The following PAAF1 variants were observed in gnomAD, a reference collection of about 807,000 sequenced individuals.
PAAF1 encodes the protein proteasomal ATPase associated factor 1, also known as proteasomal ATPase-associated factor 1.
Under a neutral mutation model 52.8 loss-of-function variants are expected in PAAF1, and 46 were observed. The ratio of observed to expected loss-of-function variants is 0.87; its 90% confidence interval spans 0.69 to 1.11. PAAF1 has a LOEUF of 1.11. PAAF1 is among the 50% of genes most tolerant of loss of function. The pLI, the probability that PAAF1 is intolerant of heterozygous loss-of-function variation, is 0.00. For synonymous variants in PAAF1, 178 were observed against 172.8 expected (o/e 1.03, Z -0.24); for missense variants, 424 against 477.4 (o/e 0.89, Z 1.04).
At chr11:73,876,971 C>A, upstream of PAAF1, 1 of 1,488,628 alleles carries the variant, frequency 6.7e-7, no homozygotes. Flanking sequence ...TTCTCGGGGA[C>A]TCACTTCCGG....
intron 10 of PAAF1, among the ~76,000 whole-genome samples, chr11:73,923,247 GA>G (rs1394070943): frequency 1.3e-5 from 2 of 151,960 alleles, no homozygotes; most frequent in African/African-American, 4.8e-5. Flanking sequence ...GATAAATTTG[GA>G]AAACAGTTGT....
intron 4 of PAAF1, among the ~76,000 whole-genome samples, chr11:73,894,343 AAAAT>A (rs1949287059): frequency 1.3e-5 from 2 of 152,182 alleles, no homozygotes; most frequent in South Asian, 4.1e-4. Context: ...TCTCTACAAA[AAAAT>A]AAACAAAATA....
intron 4 of PAAF1, 37 bp downstream of exon 4, chr11:73,891,238 G>A: frequency 8.2e-7 from 1 of 1,213,558 alleles, no homozygotes; most frequent in South Asian, 1.3e-5. Context: ...AAATGTAATA[G>A]CATGTTAATT....
chr11:73,914,275 T>TA (rs1950005452), intron 7 of PAAF1, 138 bp from the exon 8 acceptor site: 1 of 667,200 alleles, frequency 1.5e-6, no homozygotes, highest in African/African-American at 1.8e-5. Flanking sequence ...CACAGTGAGA[T>TA]ACAGAACATA....
chr11:73,916,350 C>T (rs1950064005), intron 8 of PAAF1, among the ~76,000 whole-genome samples, 195 bp from the exon 9 acceptor site: 1 of 151,988 alleles, frequency 6.6e-6, no homozygotes, highest in Admixed American at 6.5e-5. Flanking sequence ...CTTAGTCAAC[C>T]CCAGGTTCCT....
At chr11:73,877,175 A>AT (rs777518213) in intron 1 of PAAF1, 107 bp downstream of exon 1, 24 of 1,177,412 alleles carry the variant, frequency 2.0e-5, no homozygotes, top group Non-Finnish European at 2.7e-5. Flanking sequence ...TACTTCGTCA[A>AT]TTGTCGAGGG....
At chr11:73,925,166 A>C (rs1216977832) in intron 11 of PAAF1, among the ~76,000 whole-genome samples, 1 of 151,220 alleles carries the variant, frequency 6.6e-6, no homozygotes, top group Non-Finnish European at 1.5e-5. Context: ...CAAAAAAAAA[A>C]AAAAAAAAAC....
At chr11:73,879,539 T>A (rs1948834476) in intron 2 of PAAF1, 1 of 152,226 alleles carries the variant, frequency 6.6e-6, no homozygotes, top group African/African-American at 2.4e-5. Context: ...ATCTTTCATT[T>A]CAAATGCTGC....
At chr11:73,888,349 T>C (rs1949116155) in intron 3 of PAAF1, among the ~76,000 whole-genome samples, 1 of 152,222 alleles carries the variant, frequency 6.6e-6, no homozygotes, top group South Asian at 2.1e-4. Flanking sequence ...AATGTAGCCT[T>C]ATAATCCATA....
chr11:73,910,007 C>G (rs1330126009), intron 7 of PAAF1, among the ~76,000 whole-genome samples: 3 of 152,084 alleles, frequency 2.0e-5, no homozygotes, highest in Admixed American at 2.0e-4. Flanking sequence ...TCAGAGCCAC[C>G]CTGGGCTGCA....
intron 2 of PAAF1, among the ~76,000 whole-genome samples, chr11:73,885,558 C>T (rs945144457): frequency 2.0e-5 from 3 of 151,716 alleles, no homozygotes; most frequent in Non-Finnish European, 2.9e-5. Context: ...AAAGCCCTCC[C>T]GGCCTGGTCG....
At chr11:73,913,862 A>G (rs1448888578) in intron 7 of PAAF1, among the ~76,000 whole-genome samples, 1 of 152,138 alleles carries the variant, frequency 6.6e-6, no homozygotes, top group African/African-American at 2.4e-5. Flanking sequence ...GTGGTGTCTT[A>G]TCATGGTACA....
At chr11:73,880,541 GC>G (rs1466497923) in intron 2 of PAAF1, 1 of 149,412 alleles carries the variant, frequency 6.7e-6, no homozygotes, top group Non-Finnish European at 1.5e-5. Flanking sequence ...CAAAAAATTA[GC>G]CGGATGTGGT....
intron 2 of PAAF1, 114 bp from the exon 3 acceptor site, chr11:73,887,240 C>T (rs1949086190): frequency 1.5e-5 from 10 of 656,992 alleles, no homozygotes; most frequent in African/African-American, 3.7e-5. Context: ...GTTTTTCTTT[C>T]GTGGGCCAAT....
intron 6 of PAAF1, among the ~76,000 whole-genome samples, chr11:73,908,401 G>A (rs1792203): frequency 0.1 from 15,103 of 146,444 alleles, 1,264 homozygotes; most frequent in African/African-American, 0.23. Flanking sequence ...ATATATATGT[G>A]TATATATATG....
chr11:73,885,842 C>CAAA (rs371468192), intron 2 of PAAF1, among the ~76,000 whole-genome samples: 5 of 82,382 alleles, frequency 6.1e-5, no homozygotes, highest in African/African-American at 2.0e-4. Flanking sequence ...AACTCCATCT[C>CAAA]AAAAAAAAAA....
chr11:73,894,482 A>G (rs1278190001), intron 4 of PAAF1, among the ~76,000 whole-genome samples: 5 of 152,182 alleles, frequency 3.3e-5, no homozygotes, highest in Non-Finnish European at 7.3e-5. Context: ...TCTACTAAAA[A>G]TATAAAAATC....
Position 73,891,155 on chromosome 11 carries a change from A to G in PAAF1, c.236A>G (p.Lys79Arg). 1.2e-6 allele frequency: 2 copies of G among 1,601,714 alleles called. No homozygotes were observed. The highest frequency in any genetic ancestry group is 2.2e-5 in the South Asian group (2 of 90,484). The change falls in exon 4 of 12, where the codon AAG (lysine) becomes AGG (arginine). Residue 79 changes from lysine (K) to arginine (R), a missense_variant. Transcript: ENST00000310571. ...ISCPKENASS[K>R]FLAPYTTFSR... ...TGTCCAAAGGAAAATGCATCTTCTA[A>G]GTTTTTGGCACCATATACTACTTTT...
intron 6 of PAAF1, among the ~76,000 whole-genome samples, chr11:73,903,000 G>A (rs1038200125): frequency 6.6e-6 from 1 of 152,142 alleles, no homozygotes; most frequent in Non-Finnish European, 1.5e-5. Context: ...GCCCGGCCTA[G>A]AATGTTAAAT....
Sources: allele counts gnomAD v4.1 joint callset (sites outside exome capture counted in the v4.1 genomes callset), GRCh38; gene constraint gnomAD v4.1.1; transcripts MANE v1.5; gene names NCBI Gene and HGNC (gene_info 2026-07-23, HGNC 2026-07-21).